The following PTPRC variants were observed in gnomAD, a reference collection of about 807,000 sequenced individuals.
PTPRC encodes receptor-type tyrosine-protein phosphatase C.
Under a neutral mutation model 155.9 loss-of-function variants are expected in PTPRC, and 44 were observed. The observed-to-expected ratio is 0.28, with a 90% CI of 0.22 to 0.36. PTPRC has a LOEUF of 0.36. PTPRC is among the 10% of genes least tolerant of loss of function. PTPRC has a pLI of 1.00. For missense variants in PTPRC, 1,401 were observed against 1,564.6 expected (o/e 0.90, Z 1.76); for synonymous variants, 525 against 533.1 (o/e 0.98, Z 0.21).
intron 2 of PTPRC, among the ~76,000 whole-genome samples, chr1:198,648,983 A>G (rs1281469060): frequency 1.3e-5 from 2 of 151,794 alleles, no homozygotes; most frequent in Non-Finnish European, 2.9e-5. Context: ...ATCATGGAAA[A>G]CACATAAGGT....
intron 2 of PTPRC, chr1:198,679,959 G>T: frequency 1.6e-6 from 1 of 626,390 alleles, no homozygotes; most frequent in South Asian, 1.8e-5. Context: ...CCCTGGCGTA[G>T]GCGACATGCA....
chr1:198,656,187 A>G lies in PTPRC; in HGVS notation c.73+16846A>G, dbSNP rs565317092. 6.0e-4 allele frequency among the ~76,000 whole-genome samples: 92 copies of G among 152,252 alleles called. 1 individual carries two copies. In the South Asian group the frequency reaches 0.018, roughly 30 times the overall value. On this transcript the variant is annotated intron_variant, in intron 2 of 32. Transcript: ENST00000442510. ...ATGTAATTTTTGTCCTGTAAGAGTT[A>G]TCCATGTATTTACGAATTGTACCTA...
intron 4 of PTPRC, among the ~76,000 whole-genome samples, chr1:198,697,879 A>G (rs1666281064): frequency 6.6e-6 from 1 of 152,226 alleles, no homozygotes; most frequent in East Asian, 1.9e-4. Flanking sequence ...AGTTAAATAA[A>G]TGGTCAGTGC....
At chr1:198,734,501 A>ATT in intron 22 of PTPRC, 76 bp downstream of exon 22, 2 of 1,214,180 alleles carry the variant, frequency 1.6e-6, no homozygotes, top group Non-Finnish European at 1.2e-6. Context: ...TTGAAAAGCC[A>ATT]CATGTATCTG....
At chr1:198,662,299 T>C (rs1664012462) in intron 2 of PTPRC, among the ~76,000 whole-genome samples, 1 of 152,234 alleles carries the variant, frequency 6.6e-6, no homozygotes, top group African/African-American at 2.4e-5. Context: ...TATGTATTTC[T>C]TATTCTTATT....
chr1:198,666,240 CAAAAAAAAAA>C (rs756815638), intron 2 of PTPRC, among the ~76,000 whole-genome samples: 14 of 101,818 alleles, frequency 1.4e-4, no homozygotes, highest in Admixed American at 2.1e-4. Context: ...GACCCTGTCT[CAAAAAAAAAA>C]AAAAAAAAAA....
At chr1:198,689,027 A>C (rs748435002) in intron 2 of PTPRC, among the ~76,000 whole-genome samples, 5 of 152,192 alleles carry the variant, frequency 3.3e-5, no homozygotes, top group Non-Finnish European at 5.9e-5. Flanking sequence ...CCCAGTAAAC[A>C]CTCAATAAAT....
chr1:198,754,238 G>A, intron 31 of PTPRC, 31 bp from the exon 32 acceptor site: 1 of 1,589,418 alleles, frequency 6.3e-7, no homozygotes, highest in Non-Finnish European at 8.6e-7. Context: ...TGAGAAGTAG[G>A]ATTATTTTCT....
chr1:198,739,480 C>T (rs1381410934), intron 23 of PTPRC, among the ~76,000 whole-genome samples: 1 of 151,696 alleles, frequency 6.6e-6, no homozygotes, highest in African/African-American at 2.4e-5. Flanking sequence ...AAAAGAGACA[C>T]CGATTGTCTC....
intron 16 of PTPRC, 80 bp from the exon 17 acceptor site, chr1:198,729,057 A>C: frequency 6.7e-7 from 1 of 1,486,080 alleles, no homozygotes; most frequent in East Asian, 2.4e-5. Flanking sequence ...CCTTCAATAT[A>C]TTCATTAAAT....
chr1:198,643,323 A>C (rs1411130721), intron 2 of PTPRC, among the ~76,000 whole-genome samples: 1 of 151,850 alleles, frequency 6.6e-6, no homozygotes, highest in Non-Finnish European at 1.5e-5. Flanking sequence ...TTTTCACCAG[A>C]CACTGAATAA....
At chr1:198,672,838 C>G (rs1664724986) in intron 2 of PTPRC, among the ~76,000 whole-genome samples, 1 of 152,116 alleles carries the variant, frequency 6.6e-6, no homozygotes, top group African/African-American at 2.4e-5. Context: ...AACCTCATCT[C>G]CAACCTTGCT....
intron 10 of PTPRC, among the ~76,000 whole-genome samples, 153 bp downstream of exon 10, chr1:198,708,414 C>T: frequency 6.6e-6 from 1 of 152,004 alleles, no homozygotes; most frequent in East Asian, 1.9e-4. Flanking sequence ...TTTTCTTGGT[C>T]TGTGGTATAT....
At chr1:198,713,145 A>G (rs1359230563) in intron 12 of PTPRC, 73 bp downstream of exon 12, 6 of 1,599,672 alleles carry the variant, frequency 3.8e-6, no homozygotes, top group Non-Finnish European at 5.1e-6. Flanking sequence ...ATTTTTATTG[A>G]GCCAGTGAGT....
At chr1:198,661,932 G>A (rs539853921) in intron 2 of PTPRC, among the ~76,000 whole-genome samples, 1 of 152,152 alleles carries the variant, frequency 6.6e-6, no homozygotes, top group South Asian at 2.1e-4. Context: ...GAATACTCTT[G>A]GATTTCAATT....
intron 2 of PTPRC, among the ~76,000 whole-genome samples, chr1:198,656,796 A>C (rs1008538150): frequency 7.2e-5 from 11 of 151,890 alleles, no homozygotes; most frequent in African/African-American, 2.7e-4. Flanking sequence ...ACAGGAGCTG[A>C]GAGCTCAAGC....
chr1:198,739,540 A>C (rs1374964153), intron 23 of PTPRC, among the ~76,000 whole-genome samples: 5 of 151,858 alleles, frequency 3.3e-5, no homozygotes, highest in African/African-American at 1.2e-4. Context: ...ACAATTGTAA[A>C]TATATATGCA....
intron 2 of PTPRC, among the ~76,000 whole-genome samples, chr1:198,665,522 T>G (rs1053970954): frequency 1.3e-5 from 2 of 152,138 alleles, no homozygotes; most frequent in Non-Finnish European, 2.9e-5. Flanking sequence ...CCCAGGCATA[T>G]ACAGAGAAGT....
rs140076699 is a variant in PTPRC, at chr1:198,649,415, C to T, written c.73+10074C>T. Reference sequence around the variant, plus strand: ...ATAAGACATCAGTTGAGAGTTTTGACGGAAAGGAAGTGGTGATATGAAGGA... The same window carrying T: ...ATAAGACATCAGTTGAGAGTTTTGATGGAAAGGAAGTGGTGATATGAAGGA... On this transcript the variant is annotated intron_variant, in intron 2 of 32. Coordinates refer to ENST00000442510, the MANE Select transcript of PTPRC (RefSeq NM_002838.5). 3.6e-4 allele frequency among the ~76,000 whole-genome samples: 55 copies of T among 151,552 alleles called. No individual in the cohort carries two copies. The South Asian group carries it at 8.3e-3, about 23-fold the overall frequency.
Sources: gnomAD v4.1 joint callset for allele counts (sites outside exome capture counted in the v4.1 genomes callset) on GRCh38, gnomAD v4.1.1 for gene constraint, MANE v1.5 for transcripts, NCBI Gene and HGNC (gene_info 2026-07-23, HGNC 2026-07-21) for gene names.